The following KIF18A variants were observed in gnomAD, a reference collection of about 807,000 sequenced individuals.
KIF18A encodes the protein kinesin-like protein KIF18A.
Under a neutral mutation model 103.3 loss-of-function variants are expected in KIF18A, and 67 were observed. The ratio of observed to expected loss-of-function variants is 0.65; its 90% CI spans 0.53 to 0.79. The LOEUF (loss-of-function observed/expected upper bound fraction) is 0.79, where lower values mean the gene tolerates loss of function less well. Ranked by LOEUF, KIF18A falls within the 30% of genes least tolerant of loss-of-function variation. The pLI is 0.00. For synonymous variants in KIF18A, 367 were observed against 355.5 expected (o/e 1.03, Z -0.36); for missense variants, 1,032 against 1,062.5 (o/e 0.97, Z 0.40).
chr11:28,092,773 T>C (rs1851322575), intron 3 of KIF18A, among the ~76,000 whole-genome samples: 1 of 152,196 alleles, frequency 6.6e-6, no homozygotes, highest in Admixed American at 6.5e-5. Flanking sequence ...TTCTCTACAA[T>C]GAATGATAGG....
At chr11:28,034,726 C>G (rs556349036) in intron 15 of KIF18A, among the ~76,000 whole-genome samples, 2 of 151,688 alleles carry the variant, frequency 1.3e-5, no homozygotes, top group African/African-American at 4.8e-5. Flanking sequence ...ATTTTCTGTT[C>G]GGCCTCTATG....
intron 10 of KIF18A, among the ~76,000 whole-genome samples, chr11:28,076,134 T>C (rs536612032): frequency 2.0e-4 from 31 of 152,138 alleles, no homozygotes; most frequent in Non-Finnish European, 4.0e-4. Context: ...CTTATCTAAG[T>C]AGTGATGTAA....
chr11:28,029,262 T>C (rs1565068917), intron 15 of KIF18A, among the ~76,000 whole-genome samples: 1 of 152,140 alleles, frequency 6.6e-6, no homozygotes, highest in East Asian at 1.9e-4. Context: ...CTGAAGAACA[T>C]TGATGCAAAA....
intron 13 of KIF18A, among the ~76,000 whole-genome samples, chr11:28,057,896 C>A (rs1850802282): frequency 6.6e-6 from 1 of 152,002 alleles, no homozygotes; most frequent in Non-Finnish European, 1.5e-5. Flanking sequence ...CAAATAAAAC[C>A]AATAAACATA....
At chr11:28,026,354 A>C (rs1260186400) in intron 15 of KIF18A, among the ~76,000 whole-genome samples, 2 of 151,798 alleles carry the variant, frequency 1.3e-5, no homozygotes, top group Non-Finnish European at 3.0e-5. Flanking sequence ...TAAAGCTGCT[A>C]AATGGAAAAT....
chr11:28,038,003 AT>A (rs200335586), intron 13 of KIF18A, among the ~76,000 whole-genome samples: 1 of 150,622 alleles, frequency 6.6e-6, no homozygotes, highest in Admixed American at 6.7e-5. Flanking sequence ...AAATTACTAG[AT>A]TTTTTTTTCT....
In KIF18A at chr11:28,069,327, T is replaced by C; in HGVS notation, c.1522A>G (p.Asn508Asp). The C allele has an allele frequency of 6.2e-7, 1 of 1,613,504 alleles. No homozygotes were observed. The highest frequency in any genetic ancestry group is 2.2e-5 in the East Asian group (1 of 44,828). Residue 508 changes from asparagine (N) to aspartate (D), a missense_variant, in exon 11 of 17, where the codon AAT (asparagine) becomes GAT (aspartate). Asn to Asp is a conservative substitution (Grantham distance 23). Transcript: ENST00000263181. ...REEELKQFDE[N>D]TNWLHRVEKE... ...TCGACACGATGGAGCCAATTAGTAT[T>C]CTCATCAAATTGCTTCAATTCCTCC...
rs1396275817 is a variant in KIF18A at position 28,035,389 on chromosome 11, T to C, written c.2502A>G (p.Thr834=). The C allele has an allele frequency of 6.4e-7, 1 of 1,573,120 alleles. No individual in the cohort carries two copies. The change falls in exon 15 of 17, where the codon ACA becomes ACG. Residue 834 remains threonine, a splice_region_variant and synonymous_variant. Transcript: ENST00000263181. ...TTAAKRKRKL[T]SSTSNSSLTA... ...AACCAGTTTATGTTTAATCATACCTTGTTAATTTCCGTTTCCTTTTGGCAG... is the reference window on the plus strand; with the variant it reads ...AACCAGTTTATGTTTAATCATACCTCGTTAATTTCCGTTTCCTTTTGGCAG...
intron 10 of KIF18A, among the ~76,000 whole-genome samples, chr11:28,071,520 C>T (rs1460456964): frequency 1.4e-5 from 2 of 147,444 alleles, no homozygotes; most frequent in East Asian, 2.0e-4. Context: ...TTATTATTTA[C>T]AATTAAGCTA....
At chr11:28,028,076 T>C (rs2354427) in intron 15 of KIF18A, among the ~76,000 whole-genome samples, 1 of 151,804 alleles carries the variant, frequency 6.6e-6, no homozygotes, top group Admixed American at 6.6e-5. Context: ...ATTGTATCAA[T>C]AGAATGAAGA....
chr11:28,040,577 A>G (rs573688045), intron 13 of KIF18A, among the ~76,000 whole-genome samples: 1 of 151,754 alleles, frequency 6.6e-6, no homozygotes, highest in African/African-American at 2.4e-5. Flanking sequence ...AGATGATGAT[A>G]GCCCATAAAA....
intron 11 of KIF18A, among the ~76,000 whole-genome samples, chr11:28,065,480 G>A (rs1223122358): frequency 6.6e-6 from 1 of 151,992 alleles, no homozygotes; most frequent in East Asian, 1.9e-4. Context: ...GTGTACAAAA[G>A]TTCTTCGTAA....
At chr11:28,049,353 C>T (rs986027766) in intron 13 of KIF18A, among the ~76,000 whole-genome samples, 1 of 151,942 alleles carries the variant, frequency 6.6e-6, no homozygotes, top group Non-Finnish European at 1.5e-5. Context: ...TAAAATCCCT[C>T]TCTTAAAAAT....
intron 15 of KIF18A, among the ~76,000 whole-genome samples, chr11:28,024,273 T>C (rs1369762604): frequency 1.3e-5 from 2 of 150,746 alleles, no homozygotes; most frequent in Non-Finnish European, 3.0e-5. Context: ...ACAAGTGAGA[T>C]TGTTTGAAAA....
At chr11:28,101,131 C>G (rs1357372837) in intron 1 of KIF18A, among the ~76,000 whole-genome samples, 1 of 151,978 alleles carries the variant, frequency 6.6e-6, no homozygotes, top group Non-Finnish European at 1.5e-5. Flanking sequence ...CCAATTCTTC[C>G]TTGCTTAGAA....
chr11:28,071,883 T>G (rs1590695175), intron 10 of KIF18A, among the ~76,000 whole-genome samples: 1 of 152,178 alleles, frequency 6.6e-6, no homozygotes, highest in South Asian at 2.1e-4. Context: ...TTTATTTTGC[T>G]TTAGCATTTA....
At chr11:28,069,670 C>T (rs922340276) in intron 10 of KIF18A, among the ~76,000 whole-genome samples, 7 of 151,526 alleles carry the variant, frequency 4.6e-5, no homozygotes, top group South Asian at 2.1e-4. Flanking sequence ...AGAAATACAA[C>T]GACCAAATCA....
intron 13 of KIF18A, among the ~76,000 whole-genome samples, chr11:28,045,028 G>A (rs571601606): frequency 3.2e-4 from 49 of 151,984 alleles, no homozygotes; most frequent in Non-Finnish European, 6.6e-4. Context: ...AGTAAACAAA[G>A]TTTGGATATT....
chr11:28,087,117 G>A (rs552173679), intron 6 of KIF18A, among the ~76,000 whole-genome samples: 30 of 152,238 alleles, frequency 2.0e-4, no homozygotes, highest in African/African-American at 7.0e-4. Context: ...TGGGATACAT[G>A]TGCAGAACGT....
Sources: allele counts gnomAD v4.1 joint callset (sites outside exome capture counted in the v4.1 genomes callset), GRCh38; gene constraint gnomAD v4.1.1; transcripts MANE v1.5; gene names NCBI Gene and HGNC (gene_info 2026-07-23, HGNC 2026-07-21).